The following RADX variants were observed in gnomAD, a reference collection of about 807,000 sequenced individuals.
RADX encodes the protein RPA-related protein RADX.
A neutral mutation model predicts 61.6 loss-of-function variants in RADX; 36 were observed. The observed-to-expected ratio is 0.58, with a 90% CI of 0.45 to 0.77. RADX has a LOEUF of 0.77. Among genes scored for constraint, RADX ranks in the 30% least tolerant of loss-of-function variants. RADX has a pLI of 0.00. For missense variants in RADX, 497 were observed against 651.1 expected (o/e 0.76, Z 2.58); for synonymous variants, 272 against 237.9 (o/e 1.14, Z -1.32).
At chrX:106,667,174 G>A (rs1357698206) in intron 12 of RADX, among the ~76,000 whole-genome samples, 1 of 111,624 alleles carries the variant, frequency 9.0e-6, no homozygotes, top group Admixed American at 9.5e-5. Flanking sequence ...GAGGTCTCCT[G>A]GAGAAAGGAA....
At chrX:106,622,943 A>G in intron 2 of RADX, 150 bp downstream of exon 2, 1 of 355,207 alleles carries the variant, frequency 2.8e-6, no homozygotes, top group Non-Finnish European at 4.8e-6. Context: ...TATATTATAA[A>G]GTATTTTTCT....
At chrX:106,665,913 T>C (rs1367185937) in intron 12 of RADX, among the ~76,000 whole-genome samples, 1 of 111,526 alleles carries the variant, frequency 9.0e-6, no homozygotes, top group Admixed American at 9.5e-5. Context: ...CTTGGTACCA[T>C]GGCAATGTCA....
At chrX:106,666,623 G>C (rs1373597190) in intron 12 of RADX, among the ~76,000 whole-genome samples, 3 of 112,014 alleles carry the variant, frequency 2.7e-5, no homozygotes, top group Non-Finnish European at 5.6e-5. Context: ...GATGAGTAAA[G>C]CCTTATTATT....
At chrX:106,638,890 C>T (rs1003721045) in intron 8 of RADX, among the ~76,000 whole-genome samples, 1 of 110,517 alleles carries the variant, frequency 9.0e-6, no homozygotes, top group Non-Finnish European at 1.9e-5. Flanking sequence ...CTGTATTATG[C>T]GACTCTTGTG....
intron 3 of RADX, among the ~76,000 whole-genome samples, chrX:106,627,302 A>T (rs1262564248): frequency 8.9e-6 from 1 of 111,804 alleles, no homozygotes; most frequent in Admixed American, 9.5e-5. Context: ...TACCTGCATG[A>T]AACTGACTAA....
At position 106,670,225 on chromosome X, in the gene RADX, A is replaced by G. The variant is rs151261945; in HGVS notation, c.2437+895A>G. 2.2e-4 allele frequency among the ~76,000 whole-genome samples: 24 copies of G among 111,014 alleles called. No homozygotes were observed. The East Asian group carries it at 6.5e-3, about 30-fold the overall frequency. ...CCACAGTCCATTTTAGAGATGATAT[A>G]CACTTGCCGTATTACTTTCTACATT... On this transcript the variant is annotated intron_variant, in intron 13 of 13. Transcript: ENST00000372548.
intron 13 of RADX, among the ~76,000 whole-genome samples, chrX:106,674,838 A>G (rs769497511): frequency 8.1e-5 from 9 of 110,967 alleles, no homozygotes; most frequent in Non-Finnish European, 1.5e-4. Flanking sequence ...ATCCTGGCCA[A>G]CATGGTGAAA....
chrX:106,619,086 G>A (rs1310115357), intron 1 of RADX, among the ~76,000 whole-genome samples: 1 of 108,129 alleles, frequency 9.2e-6, no homozygotes, highest in African/African-American at 3.4e-5. Flanking sequence ...CTAGTAGTTT[G>A]GAAATCATAC....
intron 3 of RADX, among the ~76,000 whole-genome samples, chrX:106,628,521 A>G (rs1026797657): frequency 1.8e-5 from 2 of 111,534 alleles, no homozygotes; most frequent in East Asian, 2.8e-4. Context: ...TAAAGGAATA[A>G]GGATTTGTGG....
chrX:106,616,098 TG>T (rs1340792293), intron 1 of RADX, among the ~76,000 whole-genome samples: 1 of 111,385 alleles, frequency 9.0e-6, no homozygotes, highest in East Asian at 2.8e-4. Context: ...TTGGGGGTTG[TG>T]GGGGGATGCC....
At chrX:106,627,366 A>T (rs1322697382) in intron 3 of RADX, among the ~76,000 whole-genome samples, 1 of 111,896 alleles carries the variant, frequency 8.9e-6, no homozygotes, top group African/African-American at 3.3e-5. Flanking sequence ...TAATAATAAA[A>T]TATATTTATG....
At chrX:106,647,242 G>C (rs909346826) in intron 10 of RADX, among the ~76,000 whole-genome samples, 1 of 111,041 alleles carries the variant, frequency 9.0e-6, no homozygotes. Context: ...AACATGCAAT[G>C]TTTATCTTTT....
intron 11 of RADX, among the ~76,000 whole-genome samples, chrX:106,651,859 G>A (rs759914321): frequency 9.1e-6 from 1 of 110,264 alleles, no homozygotes; most frequent in Non-Finnish European, 1.9e-5. Context: ...TAGAAAAAAG[G>A]GGGAAAAAGC....
chrX:106,627,274 T>G (rs1927094933), intron 3 of RADX, among the ~76,000 whole-genome samples: 1 of 111,962 alleles, frequency 8.9e-6, no homozygotes, highest in Non-Finnish European at 1.9e-5. Context: ...GAACTATGGC[T>G]TTATGATCTT....
At chrX:106,676,102 C>T (rs12008772) in intron 13 of RADX, among the ~76,000 whole-genome samples, 18,796 of 111,330 alleles carry the variant, frequency 0.17, 3,876 homozygotes, top group African/African-American at 0.59. Context: ...AGTCAAAATA[C>T]GATAACAATT....
chrX:106,670,457 C>G (rs1365525961), intron 13 of RADX, among the ~76,000 whole-genome samples: 1 of 110,251 alleles, frequency 9.1e-6, no homozygotes, highest in African/African-American at 3.3e-5. Context: ...CAGTATTCTT[C>G]CAGTAGTCAC....
chrX:106,665,176 AC>A (rs1217165618), intron 12 of RADX, among the ~76,000 whole-genome samples: 2 of 112,076 alleles, frequency 1.8e-5, no homozygotes, highest in Admixed American at 9.5e-5. Context: ...ATCTCTTATT[AC>A]TGTGCTATTT....
intron 11 of RADX, among the ~76,000 whole-genome samples, chrX:106,660,054 T>A (rs1928050682): frequency 8.9e-6 from 1 of 111,941 alleles, no homozygotes; most frequent in Non-Finnish European, 1.9e-5. Context: ...ATGGGTTAGA[T>A]CATTGCAATA....
At chrX:106,633,645 A>G (rs1927293015) in intron 6 of RADX, among the ~76,000 whole-genome samples, 1 of 112,093 alleles carries the variant, frequency 8.9e-6, no homozygotes, top group Non-Finnish European at 1.9e-5. Context: ...ATTAATTGGT[A>G]GAAGATTGGT....
Sources: allele counts gnomAD v4.1 joint callset (sites outside exome capture counted in the v4.1 genomes callset), GRCh38; gene constraint gnomAD v4.1.1; transcripts MANE v1.5; gene names NCBI Gene and HGNC (gene_info 2026-07-23, HGNC 2026-07-21).